Variants in TMCO4 observed in about 807,000 individuals in gnomAD.
The protein encoded by TMCO4 is transmembrane and coiled-coil domains 4, also known as transmembrane and coiled-coil domain-containing protein 4.
TMCO4 carries 58 observed loss-of-function variants against 64.7 expected under a neutral mutation model. The observed-to-expected ratio is 0.90, with a 90% CI of 0.73 to 1.12. The LOEUF (loss-of-function observed/expected upper bound fraction) is 1.12. TMCO4 is among the 50% of genes most tolerant of loss of function. The probability of loss-of-function intolerance (pLI) is 0.00; values close to 1 mark genes in which losing one functional copy is unlikely to be tolerated. For missense variants in TMCO4, 780 were observed against 825.9 expected (o/e 0.94, Z 0.68); for synonymous variants, 325 against 346.1 (o/e 0.94, Z 0.68).
At chr1:19,762,361 A>T (rs945860652) in intron 6 of TMCO4, among the ~76,000 whole-genome samples, 2 of 152,182 alleles carry the variant, frequency 1.3e-5, no homozygotes, top group Non-Finnish European at 2.9e-5. Flanking sequence ...AGGGTGACCG[A>T]GGGATCTCGG....
intron 10 of TMCO4, among the ~76,000 whole-genome samples, chr1:19,742,972 C>A (rs1226769137): frequency 6.6e-6 from 1 of 152,086 alleles, no homozygotes; most frequent in Non-Finnish European, 1.5e-5. Flanking sequence ...ATCGCTAGAA[C>A]CCGGGAGGCG....
chr1:19,782,844 G>A (rs576393599), intron 3 of TMCO4, among the ~76,000 whole-genome samples: 3 of 152,264 alleles, frequency 2.0e-5, no homozygotes, highest in East Asian at 1.9e-4. Flanking sequence ...AACAAGCACC[G>A]CCACTTATTA....
chr1:19,770,109 G>A (rs930159793), intron 6 of TMCO4, among the ~76,000 whole-genome samples: 1 of 152,240 alleles, frequency 6.6e-6, no homozygotes, highest in Non-Finnish European at 1.5e-5. Flanking sequence ...CTTCGAGGCA[G>A]TTAGCAGGGA....
intron 2 of TMCO4, among the ~76,000 whole-genome samples, chr1:19,793,784 G>T (rs1260365447): frequency 6.6e-6 from 1 of 152,194 alleles, no homozygotes; most frequent in Non-Finnish European, 1.5e-5. Flanking sequence ...CCTGTGATGT[G>T]TGCCTACATT....
intron 13 of TMCO4, among the ~76,000 whole-genome samples, chr1:19,719,383 T>C (rs939308994): frequency 5.3e-5 from 8 of 152,180 alleles, no homozygotes; most frequent in African/African-American, 1.9e-4. Flanking sequence ...CAGTCAACTT[T>C]TTCTGTTTTT....
At chr1:19,703,671 C>G (rs1343270614) in intron 13 of TMCO4, among the ~76,000 whole-genome samples, 1 of 151,906 alleles carries the variant, frequency 6.6e-6, no homozygotes, top group Non-Finnish European at 1.5e-5. Context: ...CCTCAGCCTC[C>G]CAAGTAGCTG....
chr1:19,781,371 G>A (rs910621252), intron 3 of TMCO4, among the ~76,000 whole-genome samples: 9 of 151,846 alleles, frequency 5.9e-5, no homozygotes, highest in Admixed American at 5.3e-4. Flanking sequence ...GGAAGCTAAG[G>A]TGAGAGGATT....
chr1:19,703,126 T>TTGAA (rs1341402332), intron 13 of TMCO4, among the ~76,000 whole-genome samples: 4 of 152,298 alleles, frequency 2.6e-5, no homozygotes, highest in East Asian at 3.9e-4. Flanking sequence ...CAATAAAGAT[T>TTGAA]TGAATGAATG....
At chr1:19,731,624 C>CG (rs1376966333) in intron 13 of TMCO4, among the ~76,000 whole-genome samples, 1 of 152,244 alleles carries the variant, frequency 6.6e-6, no homozygotes, top group Non-Finnish European at 1.5e-5. Flanking sequence ...TACCTTGCCG[C>CG]GTCCTGCAAG....
chr1:19,755,600 T>C (rs1041133400), intron 7 of TMCO4, 34 bp downstream of exon 7: 1 of 1,612,252 alleles, frequency 6.2e-7, no homozygotes, highest in Non-Finnish European at 8.5e-7. Context: ...GTGGAAATCC[T>C]TGGATCCTGA....
Position 19,683,422 on chromosome 1 carries a change from G to A in TMCO4, c.1523C>T (p.Ala508Val). Reference sequence around the variant, plus strand: ...CTTCAGGATGGCATCCATCTGCTTGGCATAGTCCAGGTGGCCGCTGACCTG... The same window carrying A: ...CTTCAGGATGGCATCCATCTGCTTGACATAGTCCAGGTGGCCGCTGACCTG... ...TSVVSGHLDY[A>V]KQMDAILKAV... Residue 508 changes from alanine to valine, a missense_variant, in exon 16 of 16, where the codon GCC becomes GTC. Ala to Val is a moderately conservative substitution (Grantham distance 64, BLOSUM62 0). Transcript: ENST00000294543. 1.2e-6 allele frequency: 2 copies of A among 1,613,028 alleles called. No individual in the cohort carries two copies. Among genetic ancestry groups the A allele is most frequent in the Non-Finnish European group, 8.5e-7 (1 of 1,180,004 alleles).
intron 4 of TMCO4, among the ~76,000 whole-genome samples, chr1:19,772,426 G>A (rs1156901911): frequency 6.6e-6 from 1 of 152,278 alleles, no homozygotes; most frequent in Non-Finnish European, 1.5e-5. Context: ...AGTCCTACAG[G>A]AGTCCCCAGG....
chr1:19,723,429 G>T (rs563608981), intron 13 of TMCO4, among the ~76,000 whole-genome samples: 3 of 152,314 alleles, frequency 2.0e-5, no homozygotes, highest in Non-Finnish European at 4.4e-5. Context: ...TTGGGTGGCT[G>T]AGCCTGCTGT....
At chr1:19,686,487 G>A (rs144825843) in intron 15 of TMCO4, among the ~76,000 whole-genome samples, 1,629 of 152,268 alleles carry the variant, frequency 0.011, 23 homozygotes, top group Admixed American at 0.017. Flanking sequence ...TCAAAAACAC[G>A]AAAAGACAAT....
chr1:19,790,004 G>T (rs1266244613), intron 2 of TMCO4, among the ~76,000 whole-genome samples: 2 of 148,462 alleles, frequency 1.3e-5, no homozygotes, highest in Non-Finnish European at 3.0e-5. Context: ...AGTGAGTTGA[G>T]ATCCTGCCAC....
At chr1:19,716,554 T>G (rs181696964) in intron 13 of TMCO4, among the ~76,000 whole-genome samples, 31 of 151,956 alleles carry the variant, frequency 2.0e-4, no homozygotes, top group East Asian at 1.4e-3. Context: ...GTTTTGTTTT[T>G]TTTAATTAAA....
At chr1:19,746,711 T>A in intron 8 of TMCO4, 112 bp from the exon 9 acceptor site, 1 of 1,322,444 alleles carries the variant, frequency 7.6e-7, no homozygotes, top group East Asian at 2.6e-5. Context: ...GATCACGAGG[T>A]CAGGAGATCG....
At chr1:19,773,885 T>A (rs2281243) in intron 4 of TMCO4, among the ~76,000 whole-genome samples, 1 of 152,014 alleles carries the variant, frequency 6.6e-6, no homozygotes, top group Non-Finnish European at 1.5e-5. Context: ...GGTTAAGAGT[T>A]GGACTCTGAA....
At chr1:19,790,992 G>A (rs1571061465) in intron 2 of TMCO4, among the ~76,000 whole-genome samples, 1 of 152,320 alleles carries the variant, frequency 6.6e-6, no homozygotes, top group South Asian at 2.1e-4. Context: ...AAAGGAATGA[G>A]ATCATATCCT....
Sources: allele counts gnomAD v4.1 joint callset (sites outside exome capture counted in the v4.1 genomes callset), GRCh38; gene constraint gnomAD v4.1.1; transcripts MANE v1.5; gene names NCBI Gene and HGNC (gene_info 2026-07-23, HGNC 2026-07-21).